DNAH3: variants seen among roughly 807,000 people sequenced by gnomAD.
DNAH3 encodes the protein axonemal beta dynein heavy chain 3.
In DNAH3, 332 loss-of-function variants were observed where a neutral mutation model predicts 432.5. That is an observed-to-expected ratio of 0.77 (90% CI 0.70 to 0.84). The LOEUF (loss-of-function observed/expected upper bound fraction) is 0.84, where lower values mean the gene tolerates loss of function less well. DNAH3 is among the 40% of genes least tolerant of loss of function. The probability of loss-of-function intolerance (pLI) is 0.00; values close to 1 mark genes in which losing one functional copy is unlikely to be tolerated. For missense variants in DNAH3, 4,861 were observed against 5,114.0 expected, an observed-to-expected ratio of 0.95 and a Z score of 1.51; for synonymous variants, 1,956 against 1,900.2, an observed-to-expected ratio of 1.03 and a Z score of -0.76.
At chr16:21,012,008 CAGTATTA>C (rs1213348271) in intron 41 of DNAH3, among the ~76,000 whole-genome samples, 1 of 152,170 alleles carries the variant, frequency 6.6e-6, no homozygotes, top group Non-Finnish European at 1.5e-5. Context: ...AAAGTCACCC[CAGTATTA>C]AGTGTTGGAG....
At chr16:21,109,395 A>G (rs1225611000) in intron 14 of DNAH3, among the ~76,000 whole-genome samples, 1 of 152,154 alleles carries the variant, frequency 6.6e-6, no homozygotes, top group Non-Finnish European at 1.5e-5. Context: ...GATTAGATCT[A>G]TTCTGTGCAG....
intron 14 of DNAH3, among the ~76,000 whole-genome samples, chr16:21,109,329 T>C (rs2092017735): frequency 6.6e-6 from 1 of 152,034 alleles, no homozygotes; most frequent in Non-Finnish European, 1.5e-5. Context: ...CTCAGTGTCT[T>C]CATCAACACG....
At chr16:20,960,302 T>C (rs766802131) in intron 53 of DNAH3, among the ~76,000 whole-genome samples, 25 of 152,196 alleles carry the variant, frequency 1.6e-4, no homozygotes, top group Non-Finnish European at 2.4e-4. Flanking sequence ...ATGGGAGATA[T>C]AGCTTTGCAC....
intron 41 of DNAH3, among the ~76,000 whole-genome samples, chr16:21,009,914 A>AG (rs2087502753): frequency 3.5e-5 from 1 of 28,516 alleles, no homozygotes; most frequent in African/African-American, 1.5e-4. Flanking sequence ...AGAGGAGAGG[A>AG]GGGGAGGGGA....
At chr16:20,943,983 C>CA (rs35780087) in intron 58 of DNAH3, among the ~76,000 whole-genome samples, 1,362 of 133,818 alleles carry the variant, frequency 0.01, 20 homozygotes, top group African/African-American at 0.03. Flanking sequence ...AACCGTGTCT[C>CA]AAAAAAAAAA....
intron 44 of DNAH3, among the ~76,000 whole-genome samples, chr16:20,991,674 C>G (rs1466455747): frequency 6.6e-6 from 1 of 152,076 alleles, no homozygotes; most frequent in Non-Finnish European, 1.5e-5. Context: ...AGAGTTTTCA[C>G]AGTCAGGATT....
At chr16:20,971,490 ACAAT>A (rs2085340377) in intron 51 of DNAH3, among the ~76,000 whole-genome samples, 2 of 152,202 alleles carry the variant, frequency 1.3e-5, no homozygotes, top group South Asian at 4.1e-4. Flanking sequence ...GGAAAGCTGC[ACAAT>A]CAGACACCGG....
At chr16:21,124,703 G>A (rs540388330) in intron 9 of DNAH3, among the ~76,000 whole-genome samples, 2 of 151,448 alleles carry the variant, frequency 1.3e-5, no homozygotes, top group African/African-American at 4.9e-5. Context: ...AGGCTGGAGT[G>A]CAATGGCGCG....
At chr16:21,063,113 G>T in intron 24 of DNAH3, 1 of 160,818 alleles carries the variant, frequency 6.2e-6, no homozygotes, top group Non-Finnish European at 1.4e-5. Flanking sequence ...TAGGACTGGG[G>T]GATGGGTGCT....
At chr16:21,102,000 T>C (rs2091849321) in intron 16 of DNAH3, among the ~76,000 whole-genome samples, 1 of 152,242 alleles carries the variant, frequency 6.6e-6, no homozygotes, top group South Asian at 2.1e-4. Context: ...TAAAGCCAGA[T>C]TTCTTGCAGA....
At chr16:21,051,932 T>C in intron 28 of DNAH3, 64 bp from the exon 29 acceptor site, 1 of 1,355,394 alleles carries the variant, frequency 7.4e-7, no homozygotes. Flanking sequence ...CTTTGTAAGC[T>C]CCTCAGTTAC....
chr16:21,020,370 A>T (rs1453295662), intron 40 of DNAH3, among the ~76,000 whole-genome samples: 75 of 54,490 alleles, frequency 1.4e-3, no homozygotes, highest in Non-Finnish European at 1.9e-3. Flanking sequence ...ATATATATAA[A>T]ATCACTATAT....
intron 15 of DNAH3, among the ~76,000 whole-genome samples, chr16:21,104,956 T>A (rs148546012): frequency 1.3e-5 from 2 of 152,316 alleles, no homozygotes; most frequent in East Asian, 3.9e-4. Context: ...GAAACCCAGA[T>A]TGATGCTCTC....
chr16:21,156,996 AACACACAC>A (rs34199213), intron 1 of DNAH3, among the ~76,000 whole-genome samples: 4 of 147,434 alleles, frequency 2.7e-5, no homozygotes, highest in Admixed American at 1.4e-4. Context: ...AATCTAAGGA[AACACACAC>A]ACACACACAC....
At chr16:20,977,472 G>A (rs969739162) in intron 50 of DNAH3, among the ~76,000 whole-genome samples, 13 of 151,116 alleles carry the variant, frequency 8.6e-5, no homozygotes, top group African/African-American at 3.1e-4. Context: ...CACTGGTCAT[G>A]ATTCTGCCTT....
intron 21 of DNAH3, among the ~76,000 whole-genome samples, chr16:21,072,244 TTA>T (rs1339741861): frequency 6.8e-6 from 1 of 148,036 alleles, no homozygotes; most frequent in Admixed American, 6.7e-5. Flanking sequence ...TTAATTAATT[TTA>T]ATTTTATTAT....
chr16:21,121,202 A>C, intron 10 of DNAH3: 2 of 391,302 alleles, frequency 5.1e-6, no homozygotes, highest in Non-Finnish European at 9.8e-6. Context: ...GGTCATACCA[A>C]CCAATCAGAG....
intron 24 of DNAH3, among the ~76,000 whole-genome samples, chr16:21,064,261 A>G (rs966997810): frequency 6.6e-6 from 1 of 152,198 alleles, no homozygotes; most frequent in African/African-American, 2.4e-5. Flanking sequence ...ACAGGATAAA[A>G]GACATGTGGC....
rs1199919120 is a variant in DNAH3, at chr16:21,020,297, C to A, written c.5777-428G>T. On this transcript the variant is annotated intron_variant, in intron 40 of 61. Coordinates refer to ENST00000261383, the Ensembl canonical transcript of DNAH3. Reference sequence around the variant, plus strand: ...TCGGCCTCTCAAAATGCTAGGATTACAGCCGTGAGCAATATTTTTATTTTT... The same window carrying A: ...TCGGCCTCTCAAAATGCTAGGATTAAAGCCGTGAGCAATATTTTTATTTTT... Among the ~76,000 whole-genome samples the A allele has an allele frequency of 4.2e-4, 56 of 134,550 alleles. 1 individual carries two copies. The highest frequency in any genetic ancestry group is 2.1e-3 in the Admixed American group (27 of 12,804). 88.3% of individuals were successfully genotyped at this position (134,550 alleles called of 152,430 possible).
Sources: allele counts gnomAD v4.1 joint callset (sites outside exome capture counted in the v4.1 genomes callset), GRCh38; gene constraint gnomAD v4.1.1; transcripts MANE v1.5; gene names NCBI Gene and HGNC (gene_info 2026-07-23, HGNC 2026-07-21).